Variants in RBM46 observed in about 807,000 individuals in gnomAD.
RBM46 encodes the protein probable RNA-binding protein 46.
In RBM46, 12 loss-of-function variants were observed where a neutral mutation model predicts 43.3. The observed-to-expected ratio is 0.28, with a 90% confidence interval of 0.18 to 0.45. The LOEUF (loss-of-function observed/expected upper bound fraction) is 0.45, where lower values mean the gene tolerates loss of function less well. Ranked by LOEUF, RBM46 falls within the 20% of genes least tolerant of loss-of-function variation. The pLI, the probability that RBM46 is intolerant of heterozygous loss-of-function variation, is 1.00. For synonymous variants in RBM46, 205 were observed against 207.6 expected, an observed-to-expected ratio of 0.99 and a Z score of 0.11; for missense variants, 412 against 639.1, an observed-to-expected ratio of 0.64 and a Z score of 3.83.
intron 4 of RBM46, 196 bp from the exon 5 acceptor site, chr4:154,827,672 T>A: frequency 1.4e-6 from 2 of 1,405,236 alleles, no homozygotes; most frequent in Non-Finnish European, 9.2e-7. Context: ...AAAGGAAAGG[T>A]AATACTGACA....
intron 4 of RBM46, among the ~76,000 whole-genome samples, chr4:154,809,423 T>A (rs1353139734): frequency 6.6e-6 from 1 of 152,156 alleles, no homozygotes; most frequent in East Asian, 1.9e-4. Context: ...TTAGTTTTTT[T>A]ATTCTGAAAT....
chr4:154,828,117 A>C lies in RBM46; in HGVS notation c.*50A>C, dbSNP rs767434619. 26 of 1,335,930 alleles carry C rather than the reference A, an allele frequency of 1.9e-5. 1 individual carries two copies. The South Asian group carries it at 2.9e-4, about 15-fold the overall frequency. 82.8% of individuals were successfully genotyped at this position (1,335,930 alleles called of 1,614,324 possible). Reference sequence around the variant, plus strand: ...AATTTGTGTAAATTTGTAGTATGAAAACTTGCAAATTAAAATATTGTTTTA... The same window carrying C: ...AATTTGTGTAAATTTGTAGTATGAACACTTGCAAATTAAAATATTGTTTTA... On this transcript the variant is annotated 3_prime_UTR_variant, in exon 5 of 5. Transcript: ENST00000281722.
chr4:154,827,765 A>T, intron 4 of RBM46, 103 bp from the exon 5 acceptor site: 1 of 1,564,088 alleles, frequency 6.4e-7, no homozygotes, highest in Non-Finnish European at 8.6e-7. Context: ...CCAGTGTTAG[A>T]ACATTATGTT....
At chr4:154,783,096 T>A (rs1262370931) in intron 1 of RBM46, among the ~76,000 whole-genome samples, 1 of 152,214 alleles carries the variant, frequency 6.6e-6, no homozygotes. Context: ...TGCATCTGTC[T>A]GCATTTGTTT....
chr4:154,799,762 T>G (rs990673436), intron 4 of RBM46, among the ~76,000 whole-genome samples, 198 bp downstream of exon 4: 1 of 148,480 alleles, frequency 6.7e-6, no homozygotes, highest in African/African-American at 2.5e-5. Flanking sequence ...TTTCTTTTTT[T>G]TTTTTTTTTT....
chr4:154,797,454 C>T (rs1325433796), intron 2 of RBM46, among the ~76,000 whole-genome samples: 1 of 152,174 alleles, frequency 6.6e-6, no homozygotes, highest in East Asian at 1.9e-4. Context: ...ATCTATGTTG[C>T]TCTGACATAA....
chr4:154,827,052 G>T, intron 4 of RBM46: 3 of 1,183,564 alleles, frequency 2.5e-6, no homozygotes, highest in Non-Finnish European at 3.1e-6. Flanking sequence ...TTTTTGGAAG[G>T]TACAGGATTT....
chr4:154,796,682 C>A, intron 1 of RBM46, 60 bp from the exon 2 acceptor site: 1 of 1,162,322 alleles, frequency 8.6e-7, no homozygotes, highest in Non-Finnish European at 1.2e-6. Flanking sequence ...CAAAGAAATG[C>A]CTTATAGATT....
At chr4:154,827,023 A>G in intron 4 of RBM46, 1 of 1,232,368 alleles carries the variant, frequency 8.1e-7, no homozygotes, top group East Asian at 3.3e-5. Context: ...CTTATTTTAC[A>G]CTAAAGAACA....
chr4:154,815,917 C>T (rs532007100), intron 4 of RBM46, among the ~76,000 whole-genome samples: 132 of 152,050 alleles, frequency 8.7e-4, no homozygotes, highest in African/African-American at 2.9e-3. Context: ...AGTGACAATG[C>T]GAAGTATCAG....
chr4:154,808,108 A>C (rs897878028), intron 4 of RBM46, among the ~76,000 whole-genome samples: 2 of 152,024 alleles, frequency 1.3e-5, no homozygotes, highest in Non-Finnish European at 2.9e-5. Flanking sequence ...ATCATCAGAA[A>C]ACATCAATCT....
chr4:154,803,209 T>G (rs1734723608), intron 4 of RBM46, among the ~76,000 whole-genome samples: 1 of 152,178 alleles, frequency 6.6e-6, no homozygotes, highest in South Asian at 2.1e-4. Flanking sequence ...AGGTGTTTTT[T>G]TTGGTCCTAT....
chr4:154,811,102 TAG>T (rs947822293), intron 4 of RBM46, among the ~76,000 whole-genome samples: 78 of 152,310 alleles, frequency 5.1e-4, no homozygotes, highest in African/African-American at 1.9e-3. Flanking sequence ...AATATTCAGT[TAG>T]AGTTCTGATA....
At chr4:154,827,046 T>C (rs1202400076) in intron 4 of RBM46, 6 of 1,202,602 alleles carry the variant, frequency 5.0e-6, no homozygotes, top group Non-Finnish European at 6.2e-6. Context: ...GTTGAGTTTT[T>C]GGAAGGTACA....
chr4:154,805,544 G>T (rs77878013), intron 4 of RBM46, among the ~76,000 whole-genome samples: 2,560 of 151,830 alleles, frequency 0.017, 78 homozygotes, highest in East Asian at 0.13. Flanking sequence ...TTTTTCAAAT[G>T]AAGCTTTTAT....
At chr4:154,783,918 G>A (rs547046871) in intron 1 of RBM46, among the ~76,000 whole-genome samples, 3 of 152,112 alleles carry the variant, frequency 2.0e-5, no homozygotes, top group South Asian at 4.1e-4. Context: ...AACTCTTCTC[G>A]TTTTCCAAGA....
intron 4 of RBM46, among the ~76,000 whole-genome samples, chr4:154,808,266 C>CT (rs1276493864): frequency 6.6e-6 from 1 of 151,902 alleles, no homozygotes; most frequent in Non-Finnish European, 1.5e-5. Context: ...AAAACTCCAC[C>CT]TTTTTATAGA....
chr4:154,821,638 T>C (rs1735727965), intron 4 of RBM46, among the ~76,000 whole-genome samples: 1 of 151,888 alleles, frequency 6.6e-6, no homozygotes, highest in South Asian at 2.1e-4. Context: ...GTTTTTTTAT[T>C]CTTGACCCTC....
chr4:154,819,477 G>T (rs1402082300), intron 4 of RBM46, among the ~76,000 whole-genome samples: 1 of 152,128 alleles, frequency 6.6e-6, no homozygotes. Context: ...TTTTCTTCTT[G>T]TCTGAGATCA....
Sources: gnomAD v4.1 joint callset for allele counts (sites outside exome capture counted in the v4.1 genomes callset) on GRCh38, gnomAD v4.1.1 for gene constraint, MANE v1.5 for transcripts, NCBI Gene and HGNC (gene_info 2026-07-23, HGNC 2026-07-21) for gene names.